The following NUDCD3 variants were observed in gnomAD, a reference collection of about 807,000 sequenced individuals.
NUDCD3 encodes NudC domain containing 3.
Under a neutral mutation model 39.7 loss-of-function variants are expected in NUDCD3, and 13 were observed. The observed-to-expected ratio is 0.33, with a 90% CI of 0.21 to 0.52. The LOEUF (loss-of-function observed/expected upper bound fraction) is 0.52. NUDCD3 is among the 20% of genes least tolerant of loss of function. The pLI, the probability that NUDCD3 is intolerant of heterozygous loss-of-function variation, is 0.96. For synonymous variants in NUDCD3, 175 were observed against 172.4 expected (o/e 1.02, Z -0.12); for missense variants, 453 against 458.1 (o/e 0.99, Z 0.10).
chr7:44,463,757 T>C (rs1374917446), intron 2 of NUDCD3, among the ~76,000 whole-genome samples: 1 of 152,056 alleles, frequency 6.6e-6, no homozygotes, highest in Non-Finnish European at 1.5e-5. Context: ...ATACTGGGCT[T>C]GAGGGATGAT....
At chr7:44,470,074 T>C (rs1563187323) in intron 2 of NUDCD3, among the ~76,000 whole-genome samples, 2 of 152,208 alleles carry the variant, frequency 1.3e-5, no homozygotes, top group African/African-American at 4.8e-5. Flanking sequence ...ACTCTAACAT[T>C]TGGTGAAGCT....
intron 2 of NUDCD3, among the ~76,000 whole-genome samples, chr7:44,470,337 T>A (rs1451052957): frequency 6.6e-6 from 1 of 152,150 alleles, no homozygotes; most frequent in Non-Finnish European, 1.5e-5. Context: ...AAAGACCAGA[T>A]AACAGGCTCC....
chr7:44,451,139 A>G (rs916842553), intron 2 of NUDCD3, among the ~76,000 whole-genome samples: 2 of 152,254 alleles, frequency 1.3e-5, no homozygotes, highest in African/African-American at 4.8e-5. Context: ...CATACGATGG[A>G]TTATTCAGAC....
At chr7:44,453,652 C>T (rs934930760) in intron 2 of NUDCD3, among the ~76,000 whole-genome samples, 1 of 152,148 alleles carries the variant, frequency 6.6e-6, no homozygotes, top group Non-Finnish European at 1.5e-5. Flanking sequence ...TAATATCTGA[C>T]ACAAACAACA....
rs1347651858 is a variant in NUDCD3, at chr7:44,381,139, C to T, written c.*4872G>A. 1 of 152,330 alleles carries T rather than the reference C, an allele frequency of 6.6e-6. No individual in the cohort carries two copies. Among genetic ancestry groups the T allele is most frequent in the African/African-American group, 2.4e-5 (1 of 41,464 alleles). The allele number at this position is 152,330 out of a possible 1,614,324, so 9.4% of individuals were successfully genotyped here. ...AGGATCCTCCCTCTGCCTTCCCCAT[C>T]CAACACAGATCATCTCCAATGTGCC... is the stretch of plus-strand genomic sequence containing the variant. On this transcript the variant is annotated 3_prime_UTR_variant, in exon 6 of 6. Transcript: ENST00000355451.
At chr7:44,403,965 G>A (rs982989971) in intron 4 of NUDCD3, among the ~76,000 whole-genome samples, 1 of 152,192 alleles carries the variant, frequency 6.6e-6, no homozygotes, top group Non-Finnish European at 1.5e-5. Context: ...ATCTGGCCCA[G>A]GCGTGCAGCC....
chr7:44,381,043 C>T lies in NUDCD3; in HGVS notation c.*4968G>A, dbSNP rs1798297506. On this transcript the variant is annotated 3_prime_UTR_variant, in exon 6 of 6. Transcript: ENST00000355451. ...AGGCTCCTAACAGCCTGAGTGACCT[C>T]CTCATAGCATGGGGTCAGTGCAGCG... 6.6e-6 allele frequency: 1 copy of T among 152,300 alleles called. No homozygotes were observed. The highest frequency in any genetic ancestry group is 6.5e-5 in the Admixed American group (1 of 15,292). The allele number at this position is 152,300 out of a possible 1,614,324, so 9.4% of individuals were successfully genotyped here. A position where few individuals can be genotyped will look rare whatever the true frequency, so the allele number is the denominator to read the frequency against.
Position 44,481,761 on chromosome 7 carries a change from G to A in NUDCD3, c.509+3207C>T, listed in dbSNP as rs144286005. Among the ~76,000 whole-genome samples, 826 of 152,318 alleles carry A rather than the reference G, an allele frequency of 5.4e-3. 9 individuals carry two copies. The highest frequency in any genetic ancestry group is 0.019 in the African/African-American group (793 of 41,568). On this transcript the variant is annotated intron_variant, in intron 2 of 5. Transcript: ENST00000355451. ...GAACAATGCTATAGACTGAATGTTT[G>A]TGTCCCAAAATTCCTACGGTAAATC... is the stretch of plus-strand genomic sequence containing the variant.
intron 2 of NUDCD3, among the ~76,000 whole-genome samples, chr7:44,464,077 G>A (rs548625148): frequency 1.1e-4 from 17 of 151,942 alleles, no homozygotes; most frequent in African/African-American, 4.1e-4. Context: ...AGCCAGGCGT[G>A]GTGGTGCACG....
At chr7:44,485,573 A>G (rs1163237567) in intron 1 of NUDCD3, 4 of 314,174 alleles carry the variant, frequency 1.3e-5, no homozygotes, top group African/African-American at 8.4e-5. Context: ...TCATTATTTT[A>G]CAGACCCCAG....
At chr7:44,419,053 C>T (rs1799084404) in intron 3 of NUDCD3, among the ~76,000 whole-genome samples, 1 of 151,938 alleles carries the variant, frequency 6.6e-6, no homozygotes, top group Non-Finnish European at 1.5e-5. Flanking sequence ...GTTTTCATAC[C>T]CCAGTGGCAC....
chr7:44,448,931 T>A (rs989017288), intron 2 of NUDCD3, among the ~76,000 whole-genome samples: 1 of 152,130 alleles, frequency 6.6e-6, no homozygotes, highest in Non-Finnish European at 1.5e-5. Flanking sequence ...GCTTGGGCAA[T>A]GAGGAAAATG....
At chr7:44,386,854 C>G (rs1798410972) in intron 5 of NUDCD3, among the ~76,000 whole-genome samples, 1 of 152,168 alleles carries the variant, frequency 6.6e-6, no homozygotes, top group Non-Finnish European at 1.5e-5. Context: ...AGATTGGACC[C>G]TGAGGGAAGC....
intron 4 of NUDCD3, among the ~76,000 whole-genome samples, chr7:44,395,327 C>T (rs1053664146): frequency 1.3e-5 from 2 of 152,224 alleles, no homozygotes; most frequent in East Asian, 1.9e-4. Context: ...ACAGACGTCA[C>T]GCATGTGCAT....
intron 4 of NUDCD3, among the ~76,000 whole-genome samples, chr7:44,394,006 A>T (rs1798571843): frequency 6.6e-6 from 1 of 152,154 alleles, no homozygotes; most frequent in South Asian, 2.1e-4. Flanking sequence ...AAACCTACCC[A>T]CACCAAAGAA....
Position 44,385,657 on chromosome 7 carries a change from G to A in NUDCD3, c.*354C>T, listed in dbSNP as rs891509991. The A allele has an allele frequency of 7.8e-6, 2 of 255,300 alleles. No individual in the cohort carries two copies. Among genetic ancestry groups the A allele is most frequent in the South Asian group, 7.1e-5 (1 of 14,182 alleles). The allele number at this position is 255,300 out of a possible 1,614,324, so 15.8% of individuals were successfully genotyped here. On this transcript the variant is annotated 3_prime_UTR_variant, in exon 6 of 6. Coordinates refer to ENST00000355451, the MANE Select transcript of NUDCD3 (RefSeq NM_015332.4). Reference sequence around the variant, plus strand: ...CCAGAAGACATGCAAGCAGAATAGCGTCAAAACAACAGCAAGCAGAGAGCA... The same window carrying A: ...CCAGAAGACATGCAAGCAGAATAGCATCAAAACAACAGCAAGCAGAGAGCA...
chr7:44,418,601 A>G (rs1341412455), intron 3 of NUDCD3, among the ~76,000 whole-genome samples: 3 of 152,206 alleles, frequency 2.0e-5, no homozygotes, highest in East Asian at 3.8e-4. Context: ...TTTCTCATCT[A>G]TGAAATAGAA....
intron 2 of NUDCD3, among the ~76,000 whole-genome samples, chr7:44,469,115 C>CAAAAAAAA (rs756247647): frequency 3.0e-5 from 1 of 32,842 alleles, no homozygotes; most frequent in Non-Finnish European, 5.2e-5. Context: ...ACAAACAAAC[C>CAAAAAAAA]AAAAAAAAAA....
At chr7:44,474,557 C>T (rs977012184) in intron 2 of NUDCD3, among the ~76,000 whole-genome samples, 1 of 152,170 alleles carries the variant, frequency 6.6e-6, no homozygotes, top group African/African-American at 2.4e-5. Flanking sequence ...CACTCCTCTT[C>T]CTCCTCCCTG....
Sources: gnomAD v4.1 joint callset for allele counts (sites outside exome capture counted in the v4.1 genomes callset) on GRCh38, gnomAD v4.1.1 for gene constraint, MANE v1.5 for transcripts, NCBI Gene and HGNC (gene_info 2026-07-23, HGNC 2026-07-21) for gene names.